The following NRSN1 variants were observed in gnomAD, a reference collection of about 807,000 sequenced individuals.
NRSN1 encodes neurensin 1, also known as neurensin-1.
In NRSN1, 14 loss-of-function variants were observed where a neutral mutation model predicts 17.3. That is an observed-to-expected ratio of 0.81 (90% confidence interval 0.54 to 1.27). The LOEUF (loss-of-function observed/expected upper bound fraction) is 1.27. Among genes scored for constraint, NRSN1 ranks in the 50% most tolerant of loss-of-function variants. NRSN1 has a pLI of 0.00. For synonymous variants in NRSN1, 79 were observed against 94.2 expected (o/e 0.84, Z 0.93); for missense variants, 209 against 235.9 (o/e 0.89, Z 0.75).
intron 3 of NRSN1, among the ~76,000 whole-genome samples, chr6:24,135,368 T>C (rs954500436): frequency 2.0e-5 from 3 of 152,084 alleles, no homozygotes; most frequent in Non-Finnish European, 4.4e-5. Flanking sequence ...AAATAGTAAG[T>C]CCAAAAACTC....
In NRSN1 at chr6:24,130,489, C is replaced by T. The variant is rs114535645; in HGVS notation, c.-10+2289C>T. 3.6e-3 allele frequency among the ~76,000 whole-genome samples: 554 copies of T among 152,284 alleles called. 4 individuals are homozygous for T. Among genetic ancestry groups the T allele is most frequent in the Middle Eastern group, 6.8e-3 (2 of 294 alleles). On this transcript the variant is annotated intron_variant, in intron 2 of 3. Transcript: ENST00000378491. ...TGTAGGTCCAAATCTATCACTCTAA[C>T]ATGTTATATTTTAAAATTCATGTTC...
intron 2 of NRSN1, among the ~76,000 whole-genome samples, chr6:24,129,875 A>C (rs1318276576): frequency 6.6e-6 from 1 of 152,248 alleles, no homozygotes; most frequent in African/African-American, 2.4e-5. Context: ...TAGATAACCA[A>C]ACAATGACAC....
At chr6:24,129,227 G>A (rs1759993612) in intron 2 of NRSN1, 1 of 152,114 alleles carries the variant, frequency 6.6e-6, no homozygotes, top group Non-Finnish European at 1.5e-5. Flanking sequence ...CTTCATGAGT[G>A]TGTCTCCTTG....
At chr6:24,142,213 T>TTTTTTTTTTTTTTTTTTTTTTTTTTTTC (rs957826257) in intron 3 of NRSN1, among the ~76,000 whole-genome samples, 1 of 132,636 alleles carries the variant, frequency 7.5e-6, no homozygotes, top group Non-Finnish European at 1.6e-5. Context: ...TTTTTTTTTT[T>TTTTTTTTTTTTTTTTTTTTTTTTTTTTC]TCAGAAGACA....
At chr6:24,134,144 G>A (rs546729717) in intron 2 of NRSN1, among the ~76,000 whole-genome samples, 175 bp from the exon 3 acceptor site, 1 of 152,216 alleles carries the variant, frequency 6.6e-6, no homozygotes, top group South Asian at 2.1e-4. Flanking sequence ...GATTACAGGC[G>A]TGAGCCACTG....
rs1388231887 is a variant in NRSN1 at position 24,134,367 on chromosome 6, C to A, written c.40C>A (p.Gln14Lys). Residue 14 changes from glutamine to lysine, a missense_variant, in exon 3 of 4, where the codon CAG (glutamine) becomes AAG (lysine). Transcript: ENST00000378491. Reference protein sequence around the residue: ...CSNVCGSRQAQAAAEGGYQRY... With the variant: ...CSNVCGSRQAKAAAEGGYQRY... Reference sequence around the variant, plus strand: ...CAACGTCTGTGGGTCCAGGCAGGCACAGGCTGCAGCTGAGGGTGGTTACCA... The same window carrying A: ...CAACGTCTGTGGGTCCAGGCAGGCAAAGGCTGCAGCTGAGGGTGGTTACCA... 6.2e-7 allele frequency: 1 copy of A among 1,614,102 alleles called. No individual in the cohort carries two copies. Among genetic ancestry groups the A allele is most frequent in the Admixed American group, 1.7e-5 (1 of 60,016 alleles).
intron 3 of NRSN1, among the ~76,000 whole-genome samples, chr6:24,140,110 G>C (rs956608523): frequency 2.6e-5 from 4 of 152,208 alleles, no homozygotes; most frequent in East Asian, 3.9e-4. Context: ...GAATATTTAA[G>C]TGAGCCTAAA....
At chr6:24,137,219 T>G (rs2113714497) in intron 3 of NRSN1, among the ~76,000 whole-genome samples, 1 of 152,316 alleles carries the variant, frequency 6.6e-6, no homozygotes, top group Middle Eastern at 3.4e-3. Flanking sequence ...GTGGGCAGCA[T>G]GGCAAGACTT....
intron 2 of NRSN1, among the ~76,000 whole-genome samples, chr6:24,130,113 C>A (rs1040869532): frequency 3.9e-5 from 6 of 152,186 alleles, no homozygotes; most frequent in African/African-American, 1.2e-4. Context: ...ATAAAAAAGG[C>A]TCTCTAAAAT....
rs1314034379 is a variant in NRSN1 at position 24,128,190 on chromosome 6, G to A, written c.-20G>A. 2.0e-5 allele frequency: 3 copies of A among 152,106 alleles called. No individual in the cohort carries two copies. Among genetic ancestry groups the A allele is most frequent in the Non-Finnish European group, 4.4e-5 (3 of 68,018 alleles). 9.4% of individuals were successfully genotyped at this position (152,106 alleles called of 1,614,324 possible). On this transcript the variant is annotated 5_prime_UTR_variant, in exon 2 of 4. Coordinates refer to ENST00000378491, the MANE Select transcript of NRSN1 (RefSeq NM_080723.5). ...GTAAACCAGAAGAAGAAGAAAAAGAGGACTTCAAAGGTAGGACTCAAACCT... is the reference window on the plus strand; with the variant it reads ...GTAAACCAGAAGAAGAAGAAAAAGAAGACTTCAAAGGTAGGACTCAAACCT...
At chr6:24,127,491 G>A (rs903571375) in intron 1 of NRSN1, among the ~76,000 whole-genome samples, 1 of 152,204 alleles carries the variant, frequency 6.6e-6, no homozygotes, top group Non-Finnish European at 1.5e-5. Context: ...CTAGAGTAAT[G>A]TAGGAAACCA....
rs1360115930 is a variant in NRSN1, at chr6:24,147,354, C to CCA, written c.*1409_*1410insAC. The CCA allele has an allele frequency of 4.0e-5, 6 of 150,846 alleles. No individual in the cohort carries two copies. The highest frequency in any genetic ancestry group is 4.0e-4 in the Admixed American group (6 of 15,118). 9.3% of individuals were successfully genotyped at this position (150,846 alleles called of 1,614,324 possible). On this transcript the variant is annotated 3_prime_UTR_variant, in exon 4 of 4. Transcript: ENST00000378491. ...AATTGTGCCACCTTAGAGCCCCCCC[C>CCA]CTTTTTTTTTTCTTCCTTCACTGGA...
chr6:24,146,121 G>A lies in NRSN1; in HGVS notation c.*175G>A, dbSNP rs953281976. ...GTTCAGGCAGCTCTGCTGGAGGGCG[G>A]TGCCATGCCTAAGCCTGTGCACATG... is the stretch of plus-strand genomic sequence containing the variant. On this transcript the variant is annotated 3_prime_UTR_variant, in exon 4 of 4. Transcript: ENST00000378491. The A allele has an allele frequency of 1.1e-4, 86 of 749,960 alleles. No individual in the cohort carries two copies. The highest frequency in any genetic ancestry group is 2.3e-4 in the Middle Eastern group (1 of 4,430). 46.5% of individuals were successfully genotyped at this position (749,960 alleles called of 1,614,324 possible).
intron 1 of NRSN1, among the ~76,000 whole-genome samples, chr6:24,127,787 G>C (rs1759971170): frequency 6.6e-6 from 1 of 151,964 alleles, no homozygotes; most frequent in African/African-American, 2.4e-5. Flanking sequence ...TTTAAATTTA[G>C]AATTTGTAAA....
intron 2 of NRSN1, among the ~76,000 whole-genome samples, chr6:24,131,212 G>A (rs1236198839): frequency 6.6e-6 from 1 of 152,066 alleles, no homozygotes; most frequent in Non-Finnish European, 1.5e-5. Context: ...GACCTATATT[G>A]TTTTTAACAA....
In NRSN1 at chr6:24,146,826, A is replaced by C. The variant is rs1760315285; in HGVS notation, c.*880A>C. The C allele has an allele frequency of 6.6e-6, 1 of 152,480 alleles. No homozygotes were observed. Among genetic ancestry groups the C allele is most frequent in the Non-Finnish European group, 1.5e-5 (1 of 68,240 alleles). The allele number at this position is 152,480 out of a possible 1,614,324, so 9.4% of individuals were successfully genotyped here. The stretch of plus-strand genomic sequence containing the variant: ...GTTCAAAAGTACTGAATTAGAAACC[A>C]GGAAGTTTTAGTTCCTTCTACTACC... On this transcript the variant is annotated 3_prime_UTR_variant, in exon 4 of 4. Coordinates refer to ENST00000378491, the MANE Select transcript of NRSN1 (RefSeq NM_080723.5).
chr6:24,140,803 C>T, intron 3 of NRSN1: 3 of 1,242,510 alleles, frequency 2.4e-6, no homozygotes, highest in Non-Finnish European at 2.0e-6. Context: ...CATCAGCTCA[C>T]TGGGAAACAA....
chr6:24,142,868 G>A (rs185592450), intron 3 of NRSN1, among the ~76,000 whole-genome samples: 7 of 152,262 alleles, frequency 4.6e-5, no homozygotes, highest in East Asian at 3.9e-4. Context: ...AGCAGGTTGC[G>A]GCTACTGGCG....
chr6:24,138,689 G>A (rs1760152881), intron 3 of NRSN1, among the ~76,000 whole-genome samples: 1 of 152,098 alleles, frequency 6.6e-6, no homozygotes, highest in Non-Finnish European at 1.5e-5. Flanking sequence ...TCAAGACCCA[G>A]GTTAAGTTCC....
Sources: gnomAD v4.1 joint callset for allele counts (sites outside exome capture counted in the v4.1 genomes callset) on GRCh38, gnomAD v4.1.1 for gene constraint, MANE v1.5 for transcripts, NCBI Gene and HGNC (gene_info 2026-07-23, HGNC 2026-07-21) for gene names.